Variants in PTP4A3 observed in about 807,000 individuals in gnomAD.
PTP4A3 encodes the protein protein tyrosine phosphatase type IVA 3.
A neutral mutation model predicts 15.2 loss-of-function variants in PTP4A3; 9 were observed. That is an observed-to-expected ratio of 0.59 (90% confidence interval 0.36 to 1.03). The LOEUF (loss-of-function observed/expected upper bound fraction) is 1.03. Ranked by LOEUF, PTP4A3 falls within the 50% of genes least tolerant of loss-of-function variation. The pLI is 0.02. For missense variants in PTP4A3, 234 were observed against 252.1 expected (o/e 0.93, Z 0.49); for synonymous variants, 95 against 102.0 (o/e 0.93, Z 0.41).
At chr8:141,402,739 C>G (rs936409789) in intron 1 of PTP4A3, among the ~76,000 whole-genome samples, 4 of 152,008 alleles carry the variant, frequency 2.6e-5, no homozygotes, top group East Asian at 1.9e-4. Flanking sequence ...ACCCCTCCCC[C>G]CTGCTTCCGC....
intron 5 of PTP4A3, among the ~76,000 whole-genome samples, chr8:141,428,434 C>T (rs114053300): frequency 0.023 from 3,547 of 152,312 alleles, 133 homozygotes; most frequent in African/African-American, 0.079. Flanking sequence ...AGGGCCAACT[C>T]TGGAGGAACG....
At chr8:141,405,218 G>C (rs1348451455) in intron 1 of PTP4A3, among the ~76,000 whole-genome samples, 1 of 152,222 alleles carries the variant, frequency 6.6e-6, no homozygotes, top group Non-Finnish European at 1.5e-5. Context: ...TGGGGACCCA[G>C]GTCCCTTGGG....
rs553394459 is a variant in PTP4A3 at position 141,397,128 on chromosome 8, C to T, written c.-854+5044C>T. ...TCTAGCCACCTCCTCAGGGCCAGAG[C>T]GGCTCCTGGAGCCGGAGTGAGAGCT... is the stretch of plus-strand genomic sequence containing the variant. On this transcript the variant is annotated intron_variant, in intron 1 of 5. Transcript: ENST00000521578. Among the ~76,000 whole-genome samples the T allele has an allele frequency of 2.3e-4, 35 of 152,332 alleles. No homozygotes were observed. In the South Asian group the frequency reaches 2.5e-3, roughly 11 times the overall value.
chr8:141,411,257 G>A (rs1832861660), intron 1 of PTP4A3, among the ~76,000 whole-genome samples: 1 of 152,224 alleles, frequency 6.6e-6, no homozygotes, highest in Admixed American at 6.5e-5. Context: ...GCATATGGTG[G>A]TGGCCTGTAA....
chr8:141,405,987 G>A (rs1006489194), intron 1 of PTP4A3, among the ~76,000 whole-genome samples: 20 of 152,272 alleles, frequency 1.3e-4, no homozygotes, highest in Admixed American at 5.9e-4. Context: ...GGAGGTCAGA[G>A]GGCAGGGAGC....
At chr8:141,430,385 C>T (rs965703685) in intron 5 of PTP4A3, among the ~76,000 whole-genome samples, 1 of 135,290 alleles carries the variant, frequency 7.4e-6, no homozygotes, top group African/African-American at 2.8e-5. Context: ...AAGCGCACAG[C>T]CCACGTCCCC....
chr8:141,410,621 C>A (rs1009597530), intron 1 of PTP4A3, among the ~76,000 whole-genome samples: 1 of 152,232 alleles, frequency 6.6e-6, no homozygotes, highest in Non-Finnish European at 1.5e-5. Flanking sequence ...AAGGGCAGGT[C>A]CATGAAGGAC....
chr8:141,405,476 G>A (rs1449762984), intron 1 of PTP4A3, among the ~76,000 whole-genome samples: 2 of 152,242 alleles, frequency 1.3e-5, no homozygotes, highest in African/African-American at 4.8e-5. Context: ...GTGTTGCTGG[G>A]AGTGCTTGGG....
chr8:141,429,000 C>T (rs1287555448), intron 5 of PTP4A3, among the ~76,000 whole-genome samples: 1 of 152,246 alleles, frequency 6.6e-6, no homozygotes, highest in Admixed American at 6.5e-5. Flanking sequence ...GCTTGTCTCT[C>T]CCTTGTGGCT....
intron 3 of PTP4A3, chr8:141,426,339 A>AG: frequency 1.3e-5 from 9 of 716,678 alleles, no homozygotes; most frequent in Non-Finnish European, 1.5e-5. Context: ...GACAGTGGGA[A>AG]GCACAGGTCA....
Position 141,422,308 on chromosome 8 carries a change from A to C in PTP4A3, c.68A>C (p.His23Pro). 3 of 1,613,438 alleles carry C rather than the reference A, an allele frequency of 1.9e-6. No individual in the cohort carries two copies. Among genetic ancestry groups the C allele is most frequent in the Non-Finnish European group, 2.5e-6 (3 of 1,179,990 alleles). The change falls in exon 2 of 6, where the codon CAC becomes CCC. Residue 23 changes from histidine to proline, a missense_variant. By Grantham distance (77) the His-to-Pro change is moderately conservative (BLOSUM62 -2). Transcript: ENST00000521578. Reference sequence around the variant, plus strand: ...AAACACATGCGCTTCCTCATCACCCACAACCCCACCAACGCCACGCTCAGC... The same window carrying C: ...AAACACATGCGCTTCCTCATCACCCCCAACCCCACCAACGCCACGCTCAGC... ...SYKHMRFLIT[H>P]NPTNATLSTF... is the part of the protein sequence containing the mutation.
In PTP4A3 at chr8:141,406,442, G is replaced by A. The variant is rs144412085; in HGVS notation, c.-854+14358G>A. 2.4e-4 allele frequency among the ~76,000 whole-genome samples: 36 copies of A among 151,822 alleles called. No homozygotes were observed. The East Asian group carries it at 6.6e-3, about 28-fold the overall frequency. ...CTCTTTCTGCTGCCACCCAGAGCCC[G>A]CCCTTTCCGGAGAGCAGTTCCCTGG... On this transcript the variant is annotated intron_variant, in intron 1 of 5. Transcript: ENST00000521578. This position sits in a 1 kb window ranked among gnomAD's most constrained non-coding sequence, Gnocchi z 4.5.
At position 141,431,223 on chromosome 8, in the gene PTP4A3, G is replaced by C. The variant is rs2130404189; in HGVS notation, c.*179G>C. 4 of 622,268 alleles carry C rather than the reference G, an allele frequency of 6.4e-6. No individual in the cohort carries two copies. The Admixed American group carries it at 1.2e-4, about 18-fold the overall frequency. 38.5% of individuals were successfully genotyped at this position (622,268 alleles called of 1,614,324 possible). Reference sequence around the variant, plus strand: ...GTGTCCGAGGAGCGAGGAGCCCCTCGGGCCCTGGGTGGCCTCTGGGCCCTT... The same window carrying C: ...GTGTCCGAGGAGCGAGGAGCCCCTCCGGCCCTGGGTGGCCTCTGGGCCCTT... On this transcript the variant is annotated 3_prime_UTR_variant, in exon 6 of 6. Coordinates refer to ENST00000521578, the MANE Select transcript of PTP4A3 (RefSeq NM_032611.3).
intron 1 of PTP4A3, among the ~76,000 whole-genome samples, chr8:141,420,298 G>A (rs1437900675): frequency 6.6e-6 from 1 of 152,166 alleles, no homozygotes; most frequent in Non-Finnish European, 1.5e-5. Context: ...GGCCAGCAGT[G>A]CGGGGACCCC....
At position 141,406,166 on chromosome 8, in the gene PTP4A3, G is replaced by C. The variant is rs556510399; in HGVS notation, c.-854+14082G>C. ...GCCAGATGGGTATCCCAGATTCTTG[G>C]TGACCCTCGGTAGCCCCTCTGGGCG... is the stretch of plus-strand genomic sequence containing the variant. On this transcript the variant is annotated intron_variant, in intron 1 of 5. Coordinates refer to ENST00000521578, the MANE Select transcript of PTP4A3 (RefSeq NM_032611.3). The surrounding 1 kb of genome is among the most constrained non-coding windows in gnomAD (Gnocchi z 4.5). Among the ~76,000 whole-genome samples, 1 of 152,250 alleles carries C rather than the reference G, an allele frequency of 6.6e-6. No individual in the cohort carries two copies. The highest frequency in any genetic ancestry group is 1.9e-4 in the East Asian group (1 of 5,172).
intron 1 of PTP4A3, among the ~76,000 whole-genome samples, chr8:141,413,809 T>TG (rs755107542): frequency 2.0e-5 from 3 of 148,416 alleles, no homozygotes; most frequent in Non-Finnish European, 2.9e-5. Flanking sequence ...ACAGCTGGTG[T>TG]GGCTGTGCCA....
chr8:141,426,343 C>T (rs1833576627), intron 3 of PTP4A3: 1 of 737,080 alleles, frequency 1.4e-6, no homozygotes, highest in Admixed American at 6.3e-5. Context: ...GTGGGAAGCA[C>T]AGGTCATCTT....
At chr8:141,427,664 C>A in intron 4 of PTP4A3, 86 bp from the exon 5 acceptor site, 1 of 1,224,348 alleles carries the variant, frequency 8.2e-7, no homozygotes, top group Non-Finnish European at 1.1e-6. Context: ...CTTGGGCCCC[C>A]GTGCCCTGCA....
intron 5 of PTP4A3, among the ~76,000 whole-genome samples, chr8:141,429,371 G>T (rs530477639): frequency 6.6e-6 from 1 of 152,260 alleles, no homozygotes; most frequent in Admixed American, 6.5e-5. Context: ...CGCTGGGTGG[G>T]CAGCCCCCGC....
Sources: allele counts gnomAD v4.1 joint callset (sites outside exome capture counted in the v4.1 genomes callset), GRCh38; gene constraint gnomAD v4.1.1; non-coding constraint Gnocchi (gnomAD v3.1); transcripts MANE v1.5; gene names NCBI Gene and HGNC (gene_info 2026-07-23, HGNC 2026-07-21).